CHRM3: variants seen among roughly 807,000 people sequenced by gnomAD.
CHRM3 encodes the protein muscarinic acetylcholine receptor M3.
In CHRM3, 11 loss-of-function variants were observed where a neutral mutation model predicts 41.8. That is an observed-to-expected ratio of 0.26 (90% CI 0.17 to 0.44). CHRM3 has a LOEUF of 0.44. Among genes scored for constraint, CHRM3 ranks in the 20% least tolerant of loss-of-function variants. The pLI is 1.00. For missense variants in CHRM3, 571 were observed against 745.4 expected (o/e 0.77, Z 2.72); for synonymous variants, 297 against 301.4 (o/e 0.99, Z 0.15).
At chr1:239,643,256 AT>A (rs1671394276) in intron 4 of CHRM3, among the ~76,000 whole-genome samples, 1 of 152,196 alleles carries the variant, frequency 6.6e-6, no homozygotes, top group Non-Finnish European at 1.5e-5. Flanking sequence ...CCATTCTCAG[AT>A]CTCCAGCTGC....
At chr1:239,404,719 A>AATATATATAATATATATATAT (rs1327703878) in intron 1 of CHRM3, among the ~76,000 whole-genome samples, 2 of 97,340 alleles carry the variant, frequency 2.1e-5, no homozygotes, top group African/African-American at 3.9e-5. Flanking sequence ...GCTATATCTA[A>AATATATATAATATATATATAT]ATATATATAT....
intron 5 of CHRM3, among the ~76,000 whole-genome samples, chr1:239,743,778 T>C (rs1373408338): frequency 7.0e-6 from 1 of 142,166 alleles, no homozygotes; most frequent in Non-Finnish European, 1.5e-5. Flanking sequence ...TTTCTTTTTC[T>C]TTTTTTTTTC....
intron 5 of CHRM3, among the ~76,000 whole-genome samples, chr1:239,712,803 A>T: frequency 6.6e-6 from 1 of 152,308 alleles, no homozygotes; most frequent in South Asian, 2.1e-4. Context: ...TGGAGTAGAG[A>T]TGGTCTGTTA....
At chr1:239,813,001 C>T (rs1483502188) in intron 5 of CHRM3, among the ~76,000 whole-genome samples, 1 of 152,208 alleles carries the variant, frequency 6.6e-6, no homozygotes, top group African/African-American at 2.4e-5. Context: ...ATTTTGTGGC[C>T]AGCCACAGTG....
intron 6 of CHRM3, among the ~76,000 whole-genome samples, chr1:239,873,709 G>C (rs1676791311): frequency 6.6e-6 from 1 of 152,138 alleles, no homozygotes; most frequent in African/African-American, 2.4e-5. Flanking sequence ...GACACTGCCT[G>C]GTTTGCGTTT....
chr1:239,656,179 G>A (rs181455599), intron 4 of CHRM3, among the ~76,000 whole-genome samples: 2 of 152,146 alleles, frequency 1.3e-5, no homozygotes, highest in Non-Finnish European at 2.9e-5. Flanking sequence ...GGGGGAAAGG[G>A]TTGAAAAATT....
chr1:239,643,267 C>T (rs1193666416), intron 4 of CHRM3, among the ~76,000 whole-genome samples: 2 of 152,220 alleles, frequency 1.3e-5, no homozygotes, highest in African/African-American at 2.4e-5. Context: ...TCTCCAGCTG[C>T]ATGCTGGGAG....
intron 5 of CHRM3, among the ~76,000 whole-genome samples, chr1:239,796,611 T>C (rs1669795307): frequency 6.6e-6 from 1 of 152,076 alleles, no homozygotes; most frequent in Non-Finnish European, 1.5e-5. Context: ...ATTTGGCTGA[T>C]CAGCGTCTCG....
At chr1:239,741,258 C>CA (rs1664820659) in intron 5 of CHRM3, among the ~76,000 whole-genome samples, 1 of 151,820 alleles carries the variant, frequency 6.6e-6, no homozygotes, top group Non-Finnish European at 1.5e-5. Flanking sequence ...GGTTAGAGGA[C>CA]AAAAAAAGCA....
intron 5 of CHRM3, among the ~76,000 whole-genome samples, chr1:239,754,115 C>T (rs1355197945): frequency 6.6e-6 from 1 of 152,182 alleles, no homozygotes; most frequent in Non-Finnish European, 1.5e-5. Flanking sequence ...TACTTTAAGG[C>T]AGATACAATC....
At chr1:239,880,845 C>G (rs1194355372) in intron 6 of CHRM3, among the ~76,000 whole-genome samples, 2 of 152,060 alleles carry the variant, frequency 1.3e-5, no homozygotes, top group African/African-American at 4.8e-5. Flanking sequence ...TAAAAGCAAG[C>G]GAGGCCATTT....
At chr1:239,395,458 C>A (rs1659397570) in intron 1 of CHRM3, among the ~76,000 whole-genome samples, 1 of 151,982 alleles carries the variant, frequency 6.6e-6, no homozygotes, top group Non-Finnish European at 1.5e-5. Context: ...TTGATTTATT[C>A]TCTTCCCTCA....
intron 5 of CHRM3, among the ~76,000 whole-genome samples, chr1:239,788,972 T>A (rs2148848579): frequency 6.6e-6 from 1 of 152,338 alleles, no homozygotes; most frequent in East Asian, 1.9e-4. Flanking sequence ...CCCAGTGGAT[T>A]AAAACAGCAT....
At chr1:239,871,410 T>G (rs1676573271) in intron 6 of CHRM3, among the ~76,000 whole-genome samples, 1 of 151,918 alleles carries the variant, frequency 6.6e-6, no homozygotes, top group Non-Finnish European at 1.5e-5. Flanking sequence ...CCCAGCTAAT[T>G]TTTGTATTTT....
chr1:239,480,766 G>C (rs1227168571), intron 1 of CHRM3, among the ~76,000 whole-genome samples: 2 of 151,936 alleles, frequency 1.3e-5, no homozygotes, highest in Admixed American at 1.3e-4. Context: ...TACCGTGTTA[G>C]CCAGGATGGT....
chr1:239,584,478 G>A (rs1220239022), intron 3 of CHRM3, among the ~76,000 whole-genome samples: 1 of 151,926 alleles, frequency 6.6e-6, no homozygotes, highest in Non-Finnish European at 1.5e-5. Context: ...ATAAACTCTT[G>A]GGCTTTTTAA....
intron 5 of CHRM3, among the ~76,000 whole-genome samples, chr1:239,696,970 A>G (rs1660253140): frequency 6.6e-6 from 1 of 152,256 alleles, no homozygotes; most frequent in Admixed American, 6.5e-5. Context: ...ACCAAAGCTT[A>G]TAACACAAGC....
At chr1:239,683,268 A>G (rs1314685583) in intron 5 of CHRM3, among the ~76,000 whole-genome samples, 1 of 152,176 alleles carries the variant, frequency 6.6e-6, no homozygotes, top group Non-Finnish European at 1.5e-5. Flanking sequence ...TTTAAACACA[A>G]GCAGATGAAA....
intron 3 of CHRM3, among the ~76,000 whole-genome samples, chr1:239,550,915 A>G (rs1038000136): frequency 6.6e-6 from 1 of 152,012 alleles, no homozygotes; most frequent in Non-Finnish European, 1.5e-5. Flanking sequence ...AATAGTTCTT[A>G]AGGTTTTCTT....
Sources: gnomAD v4.1 joint callset for allele counts (sites outside exome capture counted in the v4.1 genomes callset) on GRCh38, gnomAD v4.1.1 for gene constraint, MANE v1.5 for transcripts, NCBI Gene and HGNC (gene_info 2026-07-23, HGNC 2026-07-21) for gene names.